The following ENTREP2 variants were observed in gnomAD, a reference collection of about 807,000 sequenced individuals.
The protein encoded by ENTREP2 is protein ENTREP2.
the ENTREP2 span, among the ~76,000 whole-genome samples, chr15:29,625,856 TTTTC>T: frequency 2.6e-5 from 4 of 152,108 alleles, no homozygotes; most frequent in Admixed American, 6.5e-5. Flanking sequence ...AATTTTTTTC[TTTTC>T]TTTTTTATTT....
chr15:29,468,444 C>A, the ENTREP2 span, among the ~76,000 whole-genome samples: 1 of 152,038 alleles, frequency 6.6e-6, no homozygotes, highest in Admixed American at 6.6e-5. Flanking sequence ...AACCTCGTCT[C>A]CACTAAAAAT....
chr15:29,197,113 G>A, the ENTREP2 span, among the ~76,000 whole-genome samples: 14 of 152,324 alleles, frequency 9.2e-5, 1 homozygote, highest in South Asian at 2.1e-3. Context: ...GCAACAAGTT[G>A]TAGGTGTTCA....
chr15:29,649,701 A>T, the ENTREP2 span, among the ~76,000 whole-genome samples: 1 of 149,874 alleles, frequency 6.7e-6, no homozygotes, highest in Non-Finnish European at 1.5e-5. Context: ...CCTGAGTGAC[A>T]GAGCAAGACT....
At chr15:29,494,963 T>C in the ENTREP2 span, among the ~76,000 whole-genome samples, 13 of 150,976 alleles carry the variant, frequency 8.6e-5, no homozygotes, top group East Asian at 2.3e-3. Context: ...CATTAGGTTG[T>C]TCCCATTATC....
chr15:29,612,590 C>G, the ENTREP2 span: 3 of 153,900 alleles, frequency 1.9e-5, no homozygotes, highest in Non-Finnish European at 4.4e-5. Context: ...TTGTGCACAT[C>G]CAGACAGGAC....
At chr15:29,429,196 TCCATCC>T in the ENTREP2 span, among the ~76,000 whole-genome samples, 42 of 95,862 alleles carry the variant, frequency 4.4e-4, no homozygotes, top group African/African-American at 1.1e-3. Flanking sequence ...TATCTATCCA[TCCATCC>T]ATCCATCCAT....
chr15:29,125,519 C>A, the ENTREP2 span, among the ~76,000 whole-genome samples: 1 of 152,086 alleles, frequency 6.6e-6, no homozygotes, highest in African/African-American at 2.4e-5. Context: ...GCAAGACCAT[C>A]GAGGGGAGAC....
chr15:29,527,995 G>A, the ENTREP2 span, among the ~76,000 whole-genome samples: 3 of 151,992 alleles, frequency 2.0e-5, no homozygotes, highest in Non-Finnish European at 2.9e-5. Context: ...GCACACATCC[G>A]CCCTGCAGAC....
At chr15:29,220,091 G>A in the ENTREP2 span, among the ~76,000 whole-genome samples, 2,513 of 152,282 alleles carry the variant, frequency 0.017, 74 homozygotes, top group African/African-American at 0.057. Flanking sequence ...GCCAGAAGTC[G>A]CTGTGCTTAA....
At chr15:29,581,390 G>C in the ENTREP2 span, among the ~76,000 whole-genome samples, 7 of 152,182 alleles carry the variant, frequency 4.6e-5, no homozygotes, top group Non-Finnish European at 8.8e-5. Flanking sequence ...TAGATCAACT[G>C]ATTAGATGAG....
the ENTREP2 span, among the ~76,000 whole-genome samples, chr15:29,643,981 G>A: frequency 4.6e-5 from 7 of 152,132 alleles, no homozygotes; most frequent in African/African-American, 1.7e-4. Context: ...ATAAAAGCTT[G>A]TACGTGAATG....
At chr15:29,490,038 A>G in the ENTREP2 span, among the ~76,000 whole-genome samples, 1 of 152,256 alleles carries the variant, frequency 6.6e-6, no homozygotes, top group Non-Finnish European at 1.5e-5. Flanking sequence ...AACAATGGAA[A>G]ATGAATTATA....
the ENTREP2 span, chr15:29,124,832 G>C: frequency 7.7e-7 from 1 of 1,303,496 alleles, no homozygotes; most frequent in South Asian, 1.3e-5. Context: ...ATCATAACCC[G>C]CCTGTGACTA....
chr15:29,310,034 C>T, the ENTREP2 span, among the ~76,000 whole-genome samples: 2 of 152,180 alleles, frequency 1.3e-5, no homozygotes, highest in South Asian at 4.2e-4. Context: ...CCTGATTCTT[C>T]ATGAGATGAG....
the ENTREP2 span, among the ~76,000 whole-genome samples, chr15:29,652,097 A>G: frequency 6.6e-6 from 1 of 152,182 alleles, no homozygotes; most frequent in African/African-American, 2.4e-5. Context: ...AGGCTCAGCC[A>G]GAGCAGGAGA....
chr15:29,598,164 C>A, the ENTREP2 span, among the ~76,000 whole-genome samples: 3 of 152,040 alleles, frequency 2.0e-5, no homozygotes, highest in South Asian at 2.1e-4. Flanking sequence ...TGTAAGAAAG[C>A]GCAAATTCTC....
At chr15:29,517,336 C>T in the ENTREP2 span, among the ~76,000 whole-genome samples, 1 of 152,170 alleles carries the variant, frequency 6.6e-6, no homozygotes, top group African/African-American at 2.4e-5. Flanking sequence ...TTACTTCTAT[C>T]TTAGACGTAA....
the ENTREP2 span, among the ~76,000 whole-genome samples, chr15:29,263,284 A>G: frequency 1.3e-5 from 2 of 152,244 alleles, no homozygotes; most frequent in African/African-American, 4.8e-5. Flanking sequence ...ATCTTCTGAT[A>G]ACAGGGCAAA....
chr15:29,169,015 TAAG>T, the ENTREP2 span, among the ~76,000 whole-genome samples: 4 of 152,334 alleles, frequency 2.6e-5, no homozygotes, highest in East Asian at 7.7e-4. Context: ...TACGAAGTTT[TAAG>T]AAGAAAACTA....
Sources: allele counts gnomAD v4.1 joint callset (sites outside exome capture counted in the v4.1 genomes callset), GRCh38; gene constraint gnomAD v4.1.1; transcripts MANE v1.5; gene names NCBI Gene and HGNC (gene_info 2026-07-23, HGNC 2026-07-21).